The following UPP2 variants were observed in gnomAD, a reference collection of about 807,000 sequenced individuals.
UPP2 encodes the protein UPase 2.
UPP2 carries 23 observed loss-of-function variants against 26.7 expected under a neutral mutation model. The observed-to-expected ratio is 0.86, with a 90% CI of 0.62 to 1.22. The LOEUF is 1.22. UPP2 is among the 50% of genes most tolerant of loss of function. The pLI is 0.00. For missense variants in UPP2, 387 were observed against 396.7 expected (o/e 0.98, Z 0.21); for synonymous variants, 127 against 141.3 (o/e 0.90, Z 0.72).
chr2:158,106,218 T>C lies in UPP2; in HGVS notation c.180+2T>C. ...CCAGCAATGTTTGGAGATGTAAAGGTAAAAACATTTCTAATTTCAGGAAAA... is the reference window on the plus strand; with the variant it reads ...CCAGCAATGTTTGGAGATGTAAAGGCAAAAACATTTCTAATTTCAGGAAAA... On this transcript the variant is annotated splice_donor_variant, in intron 2 of 6. Coordinates refer to ENST00000005756, the MANE Select transcript of UPP2 (RefSeq NM_173355.4). LOFTEE classifies it high-confidence loss of function. 1.3e-6 allele frequency: 2 copies of C among 1,597,146 alleles called. No homozygotes were observed. Among genetic ancestry groups the C allele is most frequent in the East Asian group, 2.2e-5 (1 of 44,714 alleles).
Position 158,106,107 on chromosome 2 carries a change from T to C in UPP2, c.71T>C (p.Phe24Ser). The C allele has an allele frequency of 1.3e-6, 2 of 1,589,486 alleles. No homozygotes were observed. The highest frequency in any genetic ancestry group is 1.7e-6 in the Non-Finnish European group (2 of 1,172,302). The change falls in exon 2 of 7, where the codon TTT becomes TCT. Residue 24 changes from phenylalanine (F) to serine (S), a missense_variant. By Grantham distance (155) the Phe-to-Ser change is radical. Transcript: ENST00000005756. ...ATAATTTTTTTTTCCAGAAAAAGGT[T>C]TGTTCACGTTAAAAATCCTTACTTG... ...SDRNTYVGKR[F>S]VHVKNPYLDL...
intron 3 of UPP2, among the ~76,000 whole-genome samples, chr2:158,057,937 T>G (rs1682274111): frequency 6.6e-6 from 1 of 151,858 alleles, no homozygotes; most frequent in South Asian, 2.1e-4. Context: ...AAGCAGATAA[T>G]AAAGGTTAAA....
At chr2:158,064,331 T>C (rs1682401005) in intron 3 of UPP2, among the ~76,000 whole-genome samples, 1 of 151,202 alleles carries the variant, frequency 6.6e-6, no homozygotes, top group Admixed American at 6.6e-5. Flanking sequence ...TTGATTTGCA[T>C]TTCTCTAATG....
chr2:158,000,947 T>G (rs1218974938), intron 2 of UPP2, among the ~76,000 whole-genome samples: 2 of 152,232 alleles, frequency 1.3e-5, no homozygotes, highest in Non-Finnish European at 2.9e-5. Context: ...TTATCATAAG[T>G]GCATGGTAAA....
intron 2 of UPP2, among the ~76,000 whole-genome samples, chr2:158,110,895 A>C (rs540637903): frequency 3.3e-5 from 5 of 152,260 alleles, no homozygotes; most frequent in African/African-American, 1.2e-4. Context: ...TTCTTTGCAG[A>C]TTCTGGATAT....
rs993304567 is a variant in UPP2, at chr2:158,087,772, A to G, written c.148-14268A>G. 2.6e-5 allele frequency among the ~76,000 whole-genome samples: 4 copies of G among 152,110 alleles called. No homozygotes were observed. In the South Asian group the frequency reaches 8.3e-4, roughly 31 times the overall value. ...ATGAAGTTTAGTTTCTCTGGATCCA[A>G]AATTCTTGGCTGATAATTGTTTTGT... On this transcript the variant is annotated intron_variant, in intron 3 of 9. Coordinates refer to the UPP2 transcript ENST00000605860.
At position 158,071,550 on chromosome 2, in the gene UPP2, CAAAAAAAAAAAA is replaced by C. The variant is rs56926948; in HGVS notation, c.148-30473_148-30462del. 2.0e-3 allele frequency among the ~76,000 whole-genome samples: 134 copies of C among 65,476 alleles called. 1 individual carries two copies. Among genetic ancestry groups the C allele is most frequent in the African/African-American group, 7.2e-3 (119 of 16,596 alleles). The allele number at this position is 65,476 out of a possible 152,430, so 43.0% of individuals were successfully genotyped here. A position where few individuals can be genotyped will look rare whatever the true frequency, so the allele number is the denominator to read the frequency against. On this transcript the variant is annotated intron_variant, in intron 3 of 9. Coordinates refer to the UPP2 transcript ENST00000605860. The stretch of plus-strand genomic sequence containing the variant: ...TGGGCAAAGAAGCGAGATTCTGTCT[CAAAAAAAAAAAA>C]AAAAAAAAAAAAAAAAGTGACTACT...
chr2:158,033,035 G>A (rs553874985), intron 3 of UPP2, among the ~76,000 whole-genome samples: 15 of 152,010 alleles, frequency 9.9e-5, no homozygotes, highest in East Asian at 5.8e-4. Context: ...CTCAAATCCC[G>A]CTGTATAATT....
chr2:158,115,516 T>C (rs535921833), intron 3 of UPP2, among the ~76,000 whole-genome samples: 12 of 152,294 alleles, frequency 7.9e-5, no homozygotes, highest in African/African-American at 2.9e-4. Context: ...TCTCTTTACT[T>C]TGTAACTGGT....
intron 3 of UPP2, among the ~76,000 whole-genome samples, chr2:158,060,475 G>A (rs1682335652): frequency 6.6e-6 from 1 of 152,134 alleles, no homozygotes; most frequent in Admixed American, 6.6e-5. Context: ...ATGTCAGAAA[G>A]GTGGGACACA....
At chr2:158,112,782 T>A (rs553659481) in intron 2 of UPP2, among the ~76,000 whole-genome samples, 77 of 152,330 alleles carry the variant, frequency 5.1e-4, no homozygotes, top group Non-Finnish European at 9.1e-4. Context: ...ATAGACCAGA[T>A]TAATACAACA....
At chr2:158,122,818 C>A (rs1238830248) in intron 5 of UPP2, among the ~76,000 whole-genome samples, 3 of 152,124 alleles carry the variant, frequency 2.0e-5, no homozygotes, top group Non-Finnish European at 2.9e-5. Flanking sequence ...ACACTCGCAT[C>A]GACATTACCT....
chr2:158,123,653 AGCGG>A, intron 5 of UPP2, 92 bp from the exon 6 acceptor site: 1 of 1,413,602 alleles, frequency 7.1e-7, no homozygotes, highest in Non-Finnish European at 9.6e-7. Flanking sequence ...AGAGTTAGAC[AGCGG>A]CAGCGTGCTC....
chr2:158,033,318 C>T (rs186670046), intron 3 of UPP2, among the ~76,000 whole-genome samples: 8 of 152,208 alleles, frequency 5.3e-5, no homozygotes, highest in South Asian at 2.1e-4. Context: ...AGAGCCCTGG[C>T]GGCAAAAAGG....
chr2:158,065,877 C>T, intron 3 of UPP2: 1 of 643,090 alleles, frequency 1.6e-6, no homozygotes, highest in Non-Finnish European at 2.9e-6. Context: ...TGGGAGAGCT[C>T]CAGTACTTGT....
intron 1 of UPP2, among the ~76,000 whole-genome samples, chr2:158,104,956 GGAAGGGAAGGGAAGGGAAGGGAAGA>G: frequency 1.1e-4 from 8 of 72,730 alleles, no homozygotes; most frequent in South Asian, 7.2e-4. Context: ...GGAAGGGAAG[GGAAGGGAAGGGAAGGGAAGGGAAGA>G]GAAGGGAAGG....
At chr2:158,019,412 T>C (rs940318843) in intron 3 of UPP2, among the ~76,000 whole-genome samples, 1 of 151,888 alleles carries the variant, frequency 6.6e-6, no homozygotes, top group Non-Finnish European at 1.5e-5. Flanking sequence ...ACCTTGTGGG[T>C]TGGGGTGGGG....
intron 3 of UPP2, among the ~76,000 whole-genome samples, chr2:158,078,948 C>T (rs1000022848): frequency 1.3e-5 from 2 of 152,088 alleles, no homozygotes; most frequent in Admixed American, 6.6e-5. Context: ...ATAATCCCCA[C>T]ATGTCAAAAG....
intron 3 of UPP2, among the ~76,000 whole-genome samples, chr2:158,045,544 A>G (rs1684140662): frequency 6.6e-6 from 1 of 152,112 alleles, no homozygotes; most frequent in African/African-American, 2.4e-5. Context: ...GTCACTTCCC[A>G]TGTTGCCCTC....
Sources: gnomAD v4.1 joint callset for allele counts (sites outside exome capture counted in the v4.1 genomes callset) on GRCh38, gnomAD v4.1.1 for gene constraint, MANE v1.5 for transcripts, NCBI Gene and HGNC (gene_info 2026-07-23, HGNC 2026-07-21) for gene names.